CDH23: variants seen among roughly 807,000 people sequenced by gnomAD.
The protein encoded by CDH23 is cadherin related 23, also known as cadherin-23.
CDH23 carries 189 observed loss-of-function variants against 317.1 expected under a neutral mutation model. The ratio of observed to expected loss-of-function variants is 0.60; its 90% confidence interval spans 0.53 to 0.67. The LOEUF (loss-of-function observed/expected upper bound fraction) is 0.67. Ranked by LOEUF, CDH23 falls within the 30% of genes least tolerant of loss-of-function variation. CDH23 has a pLI of 0.00. For synonymous variants in CDH23, 1,839 were observed against 1,876.8 expected, an observed-to-expected ratio of 0.98 and a Z score of 0.52; for missense variants, 4,401 against 4,592.4, an observed-to-expected ratio of 0.96 and a Z score of 1.20.
chr10:71,567,126 G>A (rs1215430024), intron 7 of CDH23, among the ~76,000 whole-genome samples, 190 bp downstream of exon 7: 19 of 152,188 alleles, frequency 1.2e-4, no homozygotes, highest in Admixed American at 1.1e-3. Flanking sequence ...CCCTGGCACC[G>A]TGCTGAGCAC....
intron 41 of CDH23, among the ~76,000 whole-genome samples, chr10:71,780,930 TG>T (rs1380759236): frequency 6.6e-6 from 1 of 152,114 alleles, no homozygotes. Flanking sequence ...ACTGATTGGC[TG>T]TGGGATGTGA....
intron 9 of CDH23, among the ~76,000 whole-genome samples, chr10:71,589,939 C>T (rs1358704384): frequency 6.6e-6 from 1 of 152,234 alleles, no homozygotes; most frequent in Non-Finnish European, 1.5e-5. Flanking sequence ...CTGTTATCCC[C>T]ATTTTACAGA....
At chr10:71,490,818 C>T (rs982031416) in intron 3 of CDH23, among the ~76,000 whole-genome samples, 1 of 152,164 alleles carries the variant, frequency 6.6e-6, no homozygotes, top group Non-Finnish European at 1.5e-5. Context: ...TCCCATTTTA[C>T]AGATGAGGAA....
At chr10:71,813,007 G>T in intron 68 of CDH23, 117 bp downstream of exon 68, 1 of 1,485,282 alleles carries the variant, frequency 6.7e-7, no homozygotes, top group Admixed American at 2.0e-5. Flanking sequence ...CCACTGGGGC[G>T]AGAACACCAG....
intron 68 of CDH23, 134 bp downstream of exon 68, chr10:71,813,024 T>A: frequency 1.4e-6 from 2 of 1,423,158 alleles, no homozygotes; most frequent in Non-Finnish European, 9.5e-7. Context: ...CCAGGGCTGA[T>A]GGGGGGCTAC....
rs1376944395 is a variant in CDH23, at chr10:71,798,359, C to A, written c.6835C>A (p.Leu2279Met). The change falls in exon 50 of 70, where the codon CTG becomes ATG. Residue 2279 changes from leucine to methionine, a missense_variant. Coordinates refer to ENST00000224721, the MANE Select transcript of CDH23 (RefSeq NM_022124.6). ...ERSVSVPNAK[L>M]TVNVLDVNDN... ...ACTCCCTGCCTCCACCACAGCCAAG[C>A]TGACTGTCAACGTCCTGGACGTCAA... The A allele has an allele frequency of 1.9e-6, 3 of 1,611,546 alleles. No homozygotes were observed. The highest frequency in any genetic ancestry group is 2.5e-6 in the Non-Finnish European group (3 of 1,177,746).
At chr10:71,719,998 G>A (rs1029294537) in intron 28 of CDH23, among the ~76,000 whole-genome samples, 4 of 152,214 alleles carry the variant, frequency 2.6e-5, no homozygotes, top group African/African-American at 9.6e-5. Flanking sequence ...CTGGGGAGAC[G>A]CAGGGGGAGG....
intron 14 of CDH23, among the ~76,000 whole-genome samples, chr10:71,654,949 T>G (rs1312035673): frequency 6.6e-6 from 1 of 152,042 alleles, no homozygotes; most frequent in African/African-American, 2.4e-5. Context: ...AGGACGTAGA[T>G]CTCCCCAGCT....
intron 9 of CDH23, among the ~76,000 whole-genome samples, chr10:71,605,253 A>C (rs10999912): frequency 6.3e-4 from 85 of 135,718 alleles, no homozygotes; most frequent in Non-Finnish European, 8.1e-4. Flanking sequence ...TTTTTTTTTT[A>C]AAAAAAAAAA....
chr10:71,692,016 CA>C (rs1230566056), intron 20 of CDH23, among the ~76,000 whole-genome samples: 1 of 152,162 alleles, frequency 6.6e-6, no homozygotes, highest in Non-Finnish European at 1.5e-5. Context: ...CCCTCATTCC[CA>C]GGGGTCTCAG....
At chr10:71,756,906 T>C (rs1840163245) in intron 38 of CDH23, among the ~76,000 whole-genome samples, 1 of 151,306 alleles carries the variant, frequency 6.6e-6, no homozygotes, top group Non-Finnish European at 1.5e-5. Context: ...TTTCAGGAGG[T>C]TTGTTCATAC....
intron 19 of CDH23, among the ~76,000 whole-genome samples, chr10:71,689,842 A>C (rs77470908): frequency 0.084 from 12,860 of 152,260 alleles, 601 homozygotes; most frequent in South Asian, 0.17. Context: ...CCTCCTCACC[A>C]CTGGGCCAGA....
intron 3 of CDH23, among the ~76,000 whole-genome samples, chr10:71,497,629 C>T (rs573379402): frequency 6.6e-6 from 1 of 152,334 alleles, no homozygotes; most frequent in South Asian, 2.1e-4. Flanking sequence ...CCTGTCTATC[C>T]TCCGCTGCGG....
intron 9 of CDH23, among the ~76,000 whole-genome samples, chr10:71,594,327 C>CTCTT (rs932614949): frequency 6.6e-6 from 1 of 151,048 alleles, no homozygotes; most frequent in African/African-American, 2.4e-5. Context: ...TCCTTCCTTC[C>CTCTT]TGTTTCTTTC....
At chr10:71,627,907 A>G (rs1293976622) in intron 11 of CDH23, among the ~76,000 whole-genome samples, 1 of 152,000 alleles carries the variant, frequency 6.6e-6, no homozygotes, top group Non-Finnish European at 1.5e-5. Context: ...TTTCTTCTCC[A>G]TGCCTCTTCC....
chr10:71,427,154 CAAA>C (rs754534481), intron 1 of CDH23, among the ~76,000 whole-genome samples: 6 of 64,294 alleles, frequency 9.3e-5, no homozygotes, highest in Non-Finnish European at 1.6e-4. Context: ...GACCCTGTCT[CAAA>C]AAAAAAAAAA....
intron 28 of CDH23, among the ~76,000 whole-genome samples, chr10:71,722,521 T>C (rs1866605706): frequency 6.6e-6 from 1 of 152,234 alleles, no homozygotes; most frequent in East Asian, 1.9e-4. Flanking sequence ...TTGACCCTAC[T>C]GTGTGCCAGG....
At position 71,734,257 on chromosome 10, in the gene CDH23, G is replaced by C; in HGVS notation, c.4122G>C (p.Gln1374His). ...IDAITGVITV[Q>H]GLVDREKGDF... ...CCCTGCAGGGTGTGATCACAGTCCA[G>C]GGCCTGGTGGACCGTGAGAAGGGCG... The change falls in exon 33 of 70, where the codon CAG becomes CAC. Residue 1374 changes from glutamine to histidine, a missense_variant. Coordinates refer to ENST00000224721, the MANE Select transcript of CDH23 (RefSeq NM_022124.6). 1 of 1,611,234 alleles carries C rather than the reference G, an allele frequency of 6.2e-7. No individual in the cohort carries two copies. Among genetic ancestry groups the C allele is most frequent in the Non-Finnish European group, 8.5e-7 (1 of 1,178,810 alleles).
At chr10:71,462,392 G>A (rs1322250113) in intron 3 of CDH23, among the ~76,000 whole-genome samples, 2 of 152,228 alleles carry the variant, frequency 1.3e-5, no homozygotes, top group African/African-American at 4.8e-5. Context: ...GAGCCCTGCT[G>A]GAGCTGTGGG....
Sources: gnomAD v4.1 joint callset for allele counts (sites outside exome capture counted in the v4.1 genomes callset) on GRCh38, gnomAD v4.1.1 for gene constraint, MANE v1.5 for transcripts, NCBI Gene and HGNC (gene_info 2026-07-23, HGNC 2026-07-21) for gene names.